The following WIPF2 variants were observed in gnomAD, a reference collection of about 807,000 sequenced individuals.
WIPF2 encodes the protein WAS/WASL interacting protein family member 2, also known as WAS/WASL-interacting protein family member 2.
WIPF2 carries 23 observed loss-of-function variants against 38.8 expected under a neutral mutation model. The ratio of observed to expected loss-of-function variants is 0.59; its 90% CI spans 0.43 to 0.84. The LOEUF is 0.84. WIPF2 is among the 40% of genes least tolerant of loss of function. The pLI is 0.00. For missense variants in WIPF2, 574 were observed against 580.5 expected (o/e 0.99, Z 0.11); for synonymous variants, 210 against 223.2 (o/e 0.94, Z 0.53).
intron 1 of WIPF2, among the ~76,000 whole-genome samples, chr17:40,225,626 A>G (rs139856848): frequency 1.1e-4 from 17 of 152,286 alleles, no homozygotes; most frequent in African/African-American, 2.6e-4. Context: ...AGGTAGGGTT[A>G]TCTCCAATAT....
intron 1 of WIPF2, among the ~76,000 whole-genome samples, chr17:40,225,007 T>C (rs1473511914): frequency 9.9e-5 from 15 of 152,086 alleles, no homozygotes; most frequent in Admixed American, 7.9e-4. Context: ...TTGAGGGATA[T>C]GCCCCGGATT....
chr17:40,262,448 AGTGGT>A, intron 3 of WIPF2, 72 bp from the exon 4 acceptor site: 1 of 1,141,206 alleles, frequency 8.8e-7, no homozygotes, highest in East Asian at 2.4e-5. Flanking sequence ...CAGATAGAGG[AGTGGT>A]TTCCCCTCAT....
chr17:40,256,298 C>A, intron 1 of WIPF2, 93 bp from the exon 2 acceptor site: 2 of 980,754 alleles, frequency 2.0e-6, no homozygotes, highest in Non-Finnish European at 3.0e-6. Flanking sequence ...GGTGTTCAGT[C>A]TCTTTTGATT....
In WIPF2 at chr17:40,246,639, CGCCT is replaced by C. The variant is rs2031375619; in HGVS notation, c.-69-9747_-69-9744del. Among the ~76,000 whole-genome samples the C allele has an allele frequency of 1.4e-5, 2 of 146,868 alleles. 1 individual carries two copies. Among genetic ancestry groups the C allele is most frequent in the South Asian group, 4.4e-4 (2 of 4,588 alleles). On this transcript the variant is annotated intron_variant, in intron 1 of 7. Coordinates refer to ENST00000323571, the MANE Select transcript of WIPF2 (RefSeq NM_133264.5). ...CTTGAACTCCTGACCTCAAATGATC[CGCCT>C]GCCTTAGCCTCCCAAAGTGCTGGGA...
At chr17:40,246,380 C>T (rs534090233) in intron 1 of WIPF2, among the ~76,000 whole-genome samples, 35 of 150,960 alleles carry the variant, frequency 2.3e-4, no homozygotes, top group African/African-American at 7.1e-4. Context: ...GCCACCGTGC[C>T]CTGCCTGTGC....
intron 1 of WIPF2, among the ~76,000 whole-genome samples, chr17:40,255,378 A>G (rs929133374): frequency 6.6e-6 from 1 of 151,776 alleles, no homozygotes. Flanking sequence ...GCTGGAGTGC[A>G]GTGGTGCGAC....
rs999738898 is a variant in WIPF2, at chr17:40,228,825, C to G, written c.-70+9333C>G. On this transcript the variant is annotated intron_variant, in intron 1 of 7. Coordinates refer to ENST00000323571, the MANE Select transcript of WIPF2 (RefSeq NM_133264.5). Reference sequence around the variant, plus strand: ...TAGACGTGAGGTCTCACTTTGTTGCCTAGGCTGGTCTTGAACTCGGGCTTA... The same window carrying G: ...TAGACGTGAGGTCTCACTTTGTTGCGTAGGCTGGTCTTGAACTCGGGCTTA... 5.3e-5 allele frequency among the ~76,000 whole-genome samples: 8 copies of G among 151,938 alleles called. 1 individual carries two copies. The East Asian group carries it at 1.4e-3, about 26-fold the overall frequency.
intron 5 of WIPF2, 138 bp downstream of exon 5, chr17:40,265,284 G>A (rs1418277282): frequency 8.9e-7 from 1 of 1,123,612 alleles, no homozygotes; most frequent in South Asian, 1.7e-5. Flanking sequence ...CAGGTCTGTT[G>A]GTAGGGAAAT....
chr17:40,263,880 TATGTG>T (rs536493878), intron 4 of WIPF2, among the ~76,000 whole-genome samples: 3 of 151,914 alleles, frequency 2.0e-5, no homozygotes, highest in East Asian at 1.9e-4. Flanking sequence ...TTAAAAAAAA[TATGTG>T]AGGTGATGGA....
chr17:40,260,404 C>T, intron 2 of WIPF2, 131 bp from the exon 3 acceptor site: 1 of 1,071,244 alleles, frequency 9.3e-7, no homozygotes, highest in Non-Finnish European at 1.3e-6. Flanking sequence ...CCAGGATGGT[C>T]TGGAACTCCT....
intron 2 of WIPF2, among the ~76,000 whole-genome samples, chr17:40,257,538 C>T (rs908844959): frequency 1.3e-5 from 2 of 151,834 alleles, no homozygotes; most frequent in Non-Finnish European, 2.9e-5. Flanking sequence ...TGAGGCCAGG[C>T]GCGATGGCTC....
chr17:40,274,103 G>A, intron 6 of WIPF2, 104 bp downstream of exon 6: 1 of 945,212 alleles, frequency 1.1e-6, no homozygotes, highest in South Asian at 1.8e-5. Flanking sequence ...TGGCCACATG[G>A]GATCCTTTGT....
At chr17:40,242,219 A>G (rs1386722682) in intron 1 of WIPF2, among the ~76,000 whole-genome samples, 1 of 152,110 alleles carries the variant, frequency 6.6e-6, no homozygotes, top group East Asian at 1.9e-4. Flanking sequence ...CTTTGCAATC[A>G]AAATAAAACG....
At chr17:40,258,548 G>A (rs1050507578) in intron 2 of WIPF2, among the ~76,000 whole-genome samples, 4 of 151,886 alleles carry the variant, frequency 2.6e-5, no homozygotes, top group African/African-American at 9.7e-5. Context: ...CCGAGATCGC[G>A]CCACTGCACT....
At chr17:40,261,605 CA>C (rs1440643013) in intron 3 of WIPF2, among the ~76,000 whole-genome samples, 1 of 149,568 alleles carries the variant, frequency 6.7e-6, no homozygotes, top group African/African-American at 2.5e-5. Flanking sequence ...GCCCCCCAAA[CA>C]TTTATTTAAC....
At chr17:40,268,900 G>A (rs2032169913) in intron 5 of WIPF2, among the ~76,000 whole-genome samples, 1 of 152,176 alleles carries the variant, frequency 6.6e-6, no homozygotes, top group Non-Finnish European at 1.5e-5. Flanking sequence ...AAAGTACAGT[G>A]GGGGTCAGGG....
At position 40,273,980 on chromosome 17, in the gene WIPF2, C is replaced by T. The variant is rs1041374275; in HGVS notation, c.1161C>T (p.Thr387=). Residue 387 remains threonine (T), a synonymous_variant, in exon 6 of 8, where the codon ACC becomes ACT. Coordinates refer to ENST00000323571, the MANE Select transcript of WIPF2 (RefSeq NM_133264.5). ...GGAATGGCCACAGAGATTCTATCAC[C>T]ACTGTCCGGTCTTTCTTGGGTGAGT... ...PLRNGHRDSI[T]TVRSFLDDFE... 1.3e-6 allele frequency: 2 copies of T among 1,565,828 alleles called. No individual in the cohort carries two copies. Among genetic ancestry groups the T allele is most frequent in the Non-Finnish European group, 8.6e-7 (1 of 1,156,790 alleles).
chr17:40,226,873 CT>C (rs1470888108), intron 1 of WIPF2, among the ~76,000 whole-genome samples: 3 of 151,884 alleles, frequency 2.0e-5, no homozygotes, highest in Admixed American at 2.0e-4. Flanking sequence ...TCCTGAGTAG[CT>C]GAGATTACAG....
chr17:40,220,603 ATATATATATATATATG>A (rs1252978228), intron 1 of WIPF2: 5 of 114,538 alleles, frequency 4.4e-5, no homozygotes, highest in African/African-American at 7.4e-5. Context: ...ATATATATAT[ATATATATATATATATG>A]TATATATATA....
Sources: allele counts gnomAD v4.1 joint callset (sites outside exome capture counted in the v4.1 genomes callset), GRCh38; gene constraint gnomAD v4.1.1; transcripts MANE v1.5; gene names NCBI Gene and HGNC (gene_info 2026-07-23, HGNC 2026-07-21).